CNGB1: variants seen among roughly 807,000 people sequenced by gnomAD.
The protein encoded by CNGB1 is cyclic nucleotide gated channel subunit beta 1.
In CNGB1, 126 loss-of-function variants were observed where a neutral mutation model predicts 151.7. The observed-to-expected ratio is 0.83, with a 90% CI of 0.72 to 0.96. The LOEUF (loss-of-function observed/expected upper bound fraction) is 0.96. Among genes scored for constraint, CNGB1 ranks in the 40% least tolerant of loss-of-function variants. The pLI is 0.00. For synonymous variants in CNGB1, 623 were observed against 635.1 expected (o/e 0.98, Z 0.29); for missense variants, 1,698 against 1,627.0 (o/e 1.04, Z -0.75).
At chr16:57,939,923 C>A (rs1567387375) in intron 15 of CNGB1, among the ~76,000 whole-genome samples, 1 of 152,190 alleles carries the variant, frequency 6.6e-6, no homozygotes, top group Non-Finnish European at 1.5e-5. Flanking sequence ...TCCTACAGGC[C>A]CAAGGGAGGC....
At position 57,940,242 on chromosome 16, in the gene CNGB1, A is replaced by T; in HGVS notation, c.1201T>A (p.Ser401Thr). ...CCTGGTGCTTCTCATACCTGATCTG[A>T]AGTGCTCTGGGGCCGGGTCCCGTCT... ...EEDGTRPQSTSDQKLWEEVGE... is the reference protein window; with the variant it reads ...EEDGTRPQSTTDQKLWEEVGE... Residue 401 changes from serine to threonine, a missense_variant, in exon 15 of 33, where the codon TCA becomes ACA. Ser to Thr is a moderately conservative substitution (Grantham distance 58). Transcript: ENST00000251102. The T allele has an allele frequency of 6.4e-7, 1 of 1,567,872 alleles. No individual in the cohort carries two copies. Among genetic ancestry groups the T allele is most frequent in the East Asian group, 2.3e-5 (1 of 42,882 alleles).
intron 16 of CNGB1, among the ~76,000 whole-genome samples, chr16:57,937,921 G>C (rs1961555749): frequency 6.6e-6 from 1 of 152,226 alleles, no homozygotes. Context: ...CTCCCCAGGT[G>C]ATTCCAATGG....
chr16:57,912,771 A>T (rs1960759424), intron 24 of CNGB1, among the ~76,000 whole-genome samples, 159 bp downstream of exon 24: 1 of 137,528 alleles, frequency 7.3e-6, no homozygotes, highest in Non-Finnish European at 1.6e-5. Flanking sequence ...GTGTATGTTG[A>T]ATGTTGTGTG....
At chr16:57,918,565 G>A (rs556587275) in intron 20 of CNGB1, among the ~76,000 whole-genome samples, 1 of 152,338 alleles carries the variant, frequency 6.6e-6, no homozygotes, top group East Asian at 1.9e-4. Flanking sequence ...CACGACCAGA[G>A]TGAAAAAGGA....
At chr16:57,942,256 G>A (rs552143414) in intron 14 of CNGB1, among the ~76,000 whole-genome samples, 2 of 152,148 alleles carry the variant, frequency 1.3e-5, no homozygotes, top group African/African-American at 4.8e-5. Context: ...AGAAATGAAA[G>A]GCATCCAAAT....
At chr16:57,939,185 G>A (rs762109371) in intron 16 of CNGB1, among the ~76,000 whole-genome samples, 10 of 152,118 alleles carry the variant, frequency 6.6e-5, no homozygotes, top group Non-Finnish European at 1.0e-4. Flanking sequence ...TTTCCCCGGC[G>A]CCACTGGGAG....
chr16:57,947,461 G>C (rs1489506138), intron 14 of CNGB1, among the ~76,000 whole-genome samples: 1 of 152,148 alleles, frequency 6.6e-6, no homozygotes, highest in African/African-American at 2.4e-5. Context: ...GGGACTGCAG[G>C]GTGGCTCAGA....
rs553488181 is a variant in CNGB1 at position 57,940,109 on chromosome 16, T to A, written c.1209+125A>T. 1.1e-5 allele frequency: 10 copies of A among 943,866 alleles called. 1 individual carries two copies. The South Asian group carries it at 1.4e-4, about 13-fold the overall frequency. The allele number at this position is 943,866 out of a possible 1,614,324, so 58.5% of individuals were successfully genotyped here. A position where few individuals can be genotyped will look rare whatever the true frequency, so the allele number is the denominator to read the frequency against. ...GGCCTCGCAGGACCCGCCACCCTGC[T>A]CCCTCTGTCCTGCGGGCATCTTACC... is the stretch of plus-strand genomic sequence containing the variant. On this transcript the variant is annotated intron_variant, in intron 15 of 32. Transcript: ENST00000251102.
At chr16:57,913,066 C>T (rs1960776111) in intron 23 of CNGB1, 72 bp from the exon 24 acceptor site, 8 of 1,479,622 alleles carry the variant, frequency 5.4e-6, no homozygotes, top group Non-Finnish European at 7.6e-6. Flanking sequence ...CCCACGGGCG[C>T]CGAGACTCAG....
At chr16:57,916,903 G>A (rs1960881675) in intron 21 of CNGB1, among the ~76,000 whole-genome samples, 2 of 152,200 alleles carry the variant, frequency 1.3e-5, no homozygotes, top group African/African-American at 2.4e-5. Flanking sequence ...GGAGGTGGAA[G>A]CTATTACTAG....
chr16:57,895,150 T>C (rs1960188550), intron 31 of CNGB1, among the ~76,000 whole-genome samples: 2 of 151,984 alleles, frequency 1.3e-5, no homozygotes, highest in African/African-American at 4.8e-5. Flanking sequence ...TAGAATGAAT[T>C]CTAATATGTG....
At chr16:57,955,515 C>T (rs1477142364) in intron 12 of CNGB1, 9 of 699,102 alleles carry the variant, frequency 1.3e-5, no homozygotes, top group South Asian at 5.3e-5. Flanking sequence ...TGACATGGGA[C>T]GTGAGTGGAA....
intron 7 of CNGB1, among the ~76,000 whole-genome samples, chr16:57,962,356 T>C (rs1475179951): frequency 6.6e-6 from 1 of 152,144 alleles, no homozygotes; most frequent in African/African-American, 2.4e-5. Context: ...CAGTCATCCC[T>C]GGGAACACCC....
Position 57,884,211 on chromosome 16 carries a change from T to A in CNGB1, c.3709A>T (p.Ile1237Phe). The stretch of plus-strand genomic sequence containing the variant: ...TCCTCCGGCATCTTCACCGACAGGA[T>A]CTGCTCTCCCGGCTCCGGGCCCGGG... The part of the protein sequence containing the change: ...MSPGPEPGEQ[I>F]LSVKMPEERE... Residue 1237 changes from isoleucine (I) to phenylalanine (F), a missense_variant, in exon 33 of 33, where the codon ATC (isoleucine) becomes TTC (phenylalanine). By Grantham distance (21) the Ile-to-Phe change is conservative. Transcript: ENST00000251102. 1 of 1,614,004 alleles carries A rather than the reference T, an allele frequency of 6.2e-7. No homozygotes were observed.
At chr16:57,940,021 G>A (rs1157443004) in intron 15 of CNGB1, among the ~76,000 whole-genome samples, 3 of 152,134 alleles carry the variant, frequency 2.0e-5, no homozygotes, top group Non-Finnish European at 2.9e-5. Flanking sequence ...AGGAGGACTC[G>A]AGCTGGGTCC....
At chr16:57,964,044 C>A in intron 4 of CNGB1, 86 bp downstream of exon 4, 2 of 1,294,562 alleles carry the variant, frequency 1.5e-6, no homozygotes, top group Admixed American at 1.8e-5. Flanking sequence ...CAGTGCCCAT[C>A]CCCACCCCCA....
In CNGB1 at chr16:57,940,234, C is replaced by G. The variant is rs1264720085; in HGVS notation, c.1209G>C (p.Gln403His). ...DGTRPQSTSD[Q>H]KLWEEVGEEA... ...TGCCAGTGCCTGGTGCTTCTCATAC[C>G]TGATCTGAAGTGCTCTGGGGCCGGG... The change falls in exon 15 of 33, where the codon CAG becomes CAC. Residue 403 changes from glutamine (Q) to histidine (H), a missense_variant and splice_region_variant. By Grantham distance (24) the Gln-to-His change is conservative (BLOSUM62 0). Transcript: ENST00000251102. 6.4e-7 allele frequency: 1 copy of G among 1,564,444 alleles called. No individual in the cohort carries two copies. Among genetic ancestry groups the G allele is most frequent in the Non-Finnish European group, 8.7e-7 (1 of 1,154,170 alleles).
intron 12 of CNGB1, among the ~76,000 whole-genome samples, chr16:57,953,892 A>G (rs74019735): frequency 0.053 from 8,073 of 152,066 alleles, 718 homozygotes; most frequent in African/African-American, 0.19. Flanking sequence ...AAGAAAGAAA[A>G]AAAAAACAAC....
rs891223787 is a variant in CNGB1 at position 57,915,284 on chromosome 16, C to A, written c.2269G>T (p.Val757Leu). ...CGGGGCAGGCGGAGGAGGGGGTTCA[C>A]ACCGACTTTCAAATAGAGAAAATCC... ...PLDFLYLKVG[V>L]NPLLRLPRCL... The change falls in exon 23 of 33, where the codon GTG (valine) becomes TTG (leucine). Residue 757 changes from valine (V) to leucine (L), a missense_variant. Coordinates refer to ENST00000251102, the MANE Select transcript of CNGB1 (RefSeq NM_001297.5). The A allele has an allele frequency of 6.8e-6, 11 of 1,614,024 alleles. No individual in the cohort carries two copies. The highest frequency in any genetic ancestry group is 9.3e-6 in the Non-Finnish European group (11 of 1,179,930).
Sources: gnomAD v4.1 joint callset for allele counts (sites outside exome capture counted in the v4.1 genomes callset) on GRCh38, gnomAD v4.1.1 for gene constraint, MANE v1.5 for transcripts, NCBI Gene and HGNC (gene_info 2026-07-23, HGNC 2026-07-21) for gene names.